The following BTBD9 variants were observed in gnomAD, a reference collection of about 807,000 sequenced individuals.
The protein encoded by BTBD9 is BTB/POZ domain-containing protein 9.
A neutral mutation model predicts 64.3 loss-of-function variants in BTBD9; 49 were observed. The ratio of observed to expected loss-of-function variants is 0.76; its 90% CI spans 0.61 to 0.97. BTBD9 has a LOEUF of 0.97. Among genes scored for constraint, BTBD9 ranks in the 50% least tolerant of loss-of-function variants. The pLI, the probability that BTBD9 is intolerant of heterozygous loss-of-function variation, is 0.00. For synonymous variants in BTBD9, 260 were observed against 274.7 expected (o/e 0.95, Z 0.53); for missense variants, 598 against 762.1 (o/e 0.78, Z 2.53).
At chr6:38,477,888 G>A (rs1166880629) in intron 6 of BTBD9, among the ~76,000 whole-genome samples, 1 of 152,164 alleles carries the variant, frequency 6.6e-6, no homozygotes, top group African/African-American at 2.4e-5. Flanking sequence ...GAGGCAGCAT[G>A]GTTTAGTGGA....
chr6:38,310,648 G>C (rs1762792498), intron 7 of BTBD9, among the ~76,000 whole-genome samples: 1 of 152,194 alleles, frequency 6.6e-6, no homozygotes. Context: ...AATGGATACA[G>C]TAGTTTTTTT....
At chr6:38,220,897 T>C (rs1763176597) in intron 9 of BTBD9, among the ~76,000 whole-genome samples, 1 of 152,216 alleles carries the variant, frequency 6.6e-6, no homozygotes, top group Non-Finnish European at 1.5e-5. Context: ...GGCTTGGGGA[T>C]GCTACTGTAA....
At chr6:38,391,080 C>T (rs191020785) in intron 6 of BTBD9, among the ~76,000 whole-genome samples, 1 of 152,280 alleles carries the variant, frequency 6.6e-6, no homozygotes, top group East Asian at 1.9e-4. Flanking sequence ...GACTTCACGT[C>T]TTACTCATTC....
At chr6:38,456,005 AC>A (rs1484157576) in intron 6 of BTBD9, among the ~76,000 whole-genome samples, 1 of 147,334 alleles carries the variant, frequency 6.8e-6, no homozygotes, top group Non-Finnish European at 1.5e-5. Context: ...TTCTTTTGAG[AC>A]AGAGTCTTGC....
chr6:38,338,338 T>G (rs1334770255), intron 7 of BTBD9, among the ~76,000 whole-genome samples: 3 of 152,142 alleles, frequency 2.0e-5, no homozygotes, highest in Admixed American at 2.0e-4. Context: ...ACTTATGAAT[T>G]GTTTATATCT....
intron 9 of BTBD9, among the ~76,000 whole-genome samples, chr6:38,216,058 C>G (rs1763000340): frequency 6.6e-6 from 1 of 152,280 alleles, no homozygotes; most frequent in East Asian, 1.9e-4. Context: ...AGAAGCACGG[C>G]TCTGTTCTAT....
At chr6:38,319,501 C>T (rs1266355977) in intron 7 of BTBD9, among the ~76,000 whole-genome samples, 6 of 151,870 alleles carry the variant, frequency 4.0e-5, no homozygotes, top group East Asian at 2.0e-4. Context: ...TTAGTCAGCA[C>T]GTGATGAATC....
chr6:38,432,251 C>G (rs1768475538), intron 6 of BTBD9, among the ~76,000 whole-genome samples: 1 of 152,000 alleles, frequency 6.6e-6, no homozygotes, highest in Non-Finnish European at 1.5e-5. Context: ...GCGCTGTGAG[C>G]CAAATATAGT....
chr6:38,595,307 AT>A (rs1582692075), intron 2 of BTBD9, among the ~76,000 whole-genome samples: 4 of 152,350 alleles, frequency 2.6e-5, no homozygotes, highest in Middle Eastern at 3.4e-3. Context: ...CTGTTACTTT[AT>A]AAATTAAAAA....
chr6:38,512,657 TA>T (rs1223635245), intron 6 of BTBD9, among the ~76,000 whole-genome samples: 1 of 152,174 alleles, frequency 6.6e-6, no homozygotes, highest in African/African-American at 2.4e-5. Flanking sequence ...AACACACAAA[TA>T]ATTCTTTTAG....
At chr6:38,316,812 G>A (rs1389151180) in intron 7 of BTBD9, among the ~76,000 whole-genome samples, 1 of 152,018 alleles carries the variant, frequency 6.6e-6, no homozygotes, top group Admixed American at 6.5e-5. Context: ...ACTTCTTATT[G>A]CTCATTAACA....
intron 7 of BTBD9, among the ~76,000 whole-genome samples, chr6:38,305,867 GT>G (rs1455686931): frequency 1.3e-5 from 2 of 152,234 alleles, no homozygotes; most frequent in African/African-American, 2.4e-5. Context: ...GACAGAAGAT[GT>G]TTGTATCAAA....
At chr6:38,330,986 C>T (rs1217254791) in intron 7 of BTBD9, among the ~76,000 whole-genome samples, 1 of 152,032 alleles carries the variant, frequency 6.6e-6, no homozygotes, top group African/African-American at 2.4e-5. Context: ...ATATTTTGAA[C>T]TGGGGAGGGA....
chr6:38,221,377 C>T (rs1306550737), intron 9 of BTBD9, among the ~76,000 whole-genome samples: 3 of 152,198 alleles, frequency 2.0e-5, no homozygotes, highest in African/African-American at 7.2e-5. Context: ...AATCACCCAG[C>T]CACCTCCTGT....
chr6:38,318,061 A>G (rs189169741), intron 7 of BTBD9, among the ~76,000 whole-genome samples: 1 of 150,782 alleles, frequency 6.6e-6, no homozygotes, highest in Non-Finnish European at 1.5e-5. Context: ...CACCTGGCTA[A>G]TTTTTGTATT....
At chr6:38,313,181 AT>A (rs1417390550) in intron 7 of BTBD9, among the ~76,000 whole-genome samples, 1 of 151,858 alleles carries the variant, frequency 6.6e-6, no homozygotes, top group African/African-American at 2.4e-5. Context: ...TACTTTCTTG[AT>A]TTCTTTTTCA....
Position 38,192,524 on chromosome 6 carries a change from T to A in BTBD9, c.1636A>T (p.Asn546Tyr). ...IRIVGTHNTANEVFHCVHFEC... is the reference protein window; with the variant it reads ...IRIVGTHNTAYEVFHCVHFEC... Reference sequence around the variant, plus strand: ...TCATGAAAAGAGACCCTTACCTCATTTGCTGTGTTGTGTGTCCCAACGATA... The same window carrying A: ...TCATGAAAAGAGACCCTTACCTCATATGCTGTGTTGTGTGTCCCAACGATA... The change falls in exon 10 of 11, where the codon AAT becomes TAT. Residue 546 changes from asparagine (N) to tyrosine (Y), a missense_variant. Physicochemically the swap from Asn to Tyr is moderately radical, Grantham distance 143. Coordinates refer to ENST00000481247, the MANE Select transcript of BTBD9 (RefSeq NM_001099272.2). 1 of 1,613,374 alleles carries A rather than the reference T, an allele frequency of 6.2e-7. No individual in the cohort carries two copies. Among genetic ancestry groups the A allele is most frequent in the South Asian group, 1.1e-5 (1 of 91,004 alleles).
intron 6 of BTBD9, among the ~76,000 whole-genome samples, chr6:38,556,520 T>C (rs5027938): frequency 0.4 from 40,557 of 101,150 alleles, 5,999 homozygotes; most frequent in East Asian, 0.53. Context: ...TGTGTGTGTG[T>C]GTGTGTGTGT....
Position 38,555,535 on chromosome 6 carries a change from A to ATAG in BTBD9, c.1154+22062_1154+22064dup, listed in dbSNP as rs566641372. Among the ~76,000 whole-genome samples the ATAG allele has an allele frequency of 6.3e-4, 96 of 152,366 alleles. 1 individual carries two copies. Among genetic ancestry groups the ATAG allele is most frequent in the African/African-American group, 2.2e-3 (93 of 41,586 alleles). ...TAAATGCAACTATGTGCTAACCAAA[A>ATAG]TAGTAGTAGTAGCAGTAGTAGTGAT... On this transcript the variant is annotated intron_variant, in intron 6 of 10. Coordinates refer to ENST00000481247, the MANE Select transcript of BTBD9 (RefSeq NM_001099272.2).
Sources: gnomAD v4.1 joint callset for allele counts (sites outside exome capture counted in the v4.1 genomes callset) on GRCh38, gnomAD v4.1.1 for gene constraint, MANE v1.5 for transcripts, NCBI Gene and HGNC (gene_info 2026-07-23, HGNC 2026-07-21) for gene names.